RALYL: variants seen among roughly 807,000 people sequenced by gnomAD.
The protein encoded by RALYL is RALY RNA binding protein like, also known as RNA-binding Raly-like protein.
In RALYL, 29 loss-of-function variants were observed where a neutral mutation model predicts 35.1. The observed-to-expected ratio is 0.83, with a 90% CI of 0.61 to 1.13. The LOEUF (loss-of-function observed/expected upper bound fraction) is 1.13, where lower values mean the gene tolerates loss of function less well. Among genes scored for constraint, RALYL ranks in the 50% most tolerant of loss-of-function variants. RALYL has a pLI of 0.00. For synonymous variants in RALYL, 120 were observed against 127.6 expected (o/e 0.94, Z 0.40); for missense variants, 359 against 360.4 (o/e 1.00, Z 0.03).
chr8:84,199,685 T>C (rs1816354934), intron 1 of RALYL, among the ~76,000 whole-genome samples: 1 of 152,188 alleles, frequency 6.6e-6, no homozygotes. Flanking sequence ...TGGCATGAGA[T>C]GGTTGTCTAG....
chr8:84,864,270 A>C (rs985793724), intron 6 of RALYL, among the ~76,000 whole-genome samples: 3 of 152,088 alleles, frequency 2.0e-5, no homozygotes, highest in Non-Finnish European at 4.4e-5. Context: ...TGGACTACTA[A>C]ATACAAACTA....
At chr8:84,864,940 T>C (rs1410772055) in intron 6 of RALYL, 6 of 233,262 alleles carry the variant, frequency 2.6e-5, no homozygotes, top group African/African-American at 9.1e-5. Context: ...TGATCTATTC[T>C]ATTCATTTCA....
intron 1 of RALYL, among the ~76,000 whole-genome samples, chr8:84,311,336 A>G (rs1279329689): frequency 2.0e-5 from 3 of 152,018 alleles, no homozygotes; most frequent in East Asian, 3.8e-4. Context: ...TTTTCCAGGC[A>G]TATAAGCATT....
rs141204159 is a variant in RALYL at position 84,230,391 on chromosome 8, A to T, written c.-24+45967A>T. On this transcript the variant is annotated intron_variant, in intron 1 of 8. Coordinates refer to ENST00000521268, the MANE Select transcript of RALYL (RefSeq NM_173848.7). ...AGGATGATACAAATTTATTCAGTTA[A>T]TATGGATGACAAAAATAAACAAAAT... is the stretch of plus-strand genomic sequence containing the variant. Among the ~76,000 whole-genome samples, 7 of 152,278 alleles carry T rather than the reference A, an allele frequency of 4.6e-5. No individual in the cohort carries two copies. The South Asian group carries it at 1.5e-3, about 32-fold the overall frequency.
chr8:84,677,202 A>T (rs1277671315), intron 2 of RALYL, among the ~76,000 whole-genome samples: 1 of 152,218 alleles, frequency 6.6e-6, no homozygotes. Flanking sequence ...TCAAAGCTAA[A>T]CTTGTTTTTC....
intron 2 of RALYL, among the ~76,000 whole-genome samples, chr8:84,681,012 T>C (rs1835355589): frequency 6.6e-6 from 1 of 152,056 alleles, no homozygotes; most frequent in Non-Finnish European, 1.5e-5. Context: ...TAATCCATCT[T>C]GAATTAATTT....
At chr8:84,326,779 T>C (rs1247524416) in intron 1 of RALYL, among the ~76,000 whole-genome samples, 1 of 152,194 alleles carries the variant, frequency 6.6e-6, no homozygotes, top group Non-Finnish European at 1.5e-5. Flanking sequence ...TATTTTCCCA[T>C]ATAAAAATCC....
chr8:84,497,756 C>T (rs2056217942), intron 1 of RALYL, among the ~76,000 whole-genome samples: 1 of 151,142 alleles, frequency 6.6e-6, no homozygotes, highest in Non-Finnish European at 1.5e-5. Flanking sequence ...ATTCTACTGC[C>T]TCAGCCTCCC....
intron 1 of RALYL, among the ~76,000 whole-genome samples, chr8:84,386,438 T>C (rs555648906): frequency 1.2e-3 from 189 of 151,972 alleles, no homozygotes; most frequent in African/African-American, 4.5e-3. Flanking sequence ...TTAACAAAAA[T>C]TGGGAACGTT....
chr8:84,424,862 GGGGGTCA>G (rs1389478461), intron 1 of RALYL, among the ~76,000 whole-genome samples: 5 of 151,588 alleles, frequency 3.3e-5, no homozygotes, highest in Non-Finnish European at 5.9e-5. Flanking sequence ...TAGGCTGCTC[GGGGGTCA>G]GGGGTCAGGG....
chr8:84,839,897 A>C (rs1230233255), intron 4 of RALYL, among the ~76,000 whole-genome samples: 1 of 152,276 alleles, frequency 6.6e-6, no homozygotes, highest in Non-Finnish European at 1.5e-5. Context: ...ACAGACCTGC[A>C]GCTGAGGGTC....
chr8:84,381,308 A>G (rs1157408452), intron 1 of RALYL, among the ~76,000 whole-genome samples: 1 of 151,866 alleles, frequency 6.6e-6, no homozygotes, highest in East Asian at 1.9e-4. Flanking sequence ...GTATGTGTGT[A>G]TATCTGTATG....
chr8:84,841,827 C>T (rs1189606287), intron 4 of RALYL, among the ~76,000 whole-genome samples: 1 of 152,196 alleles, frequency 6.6e-6, no homozygotes, highest in African/African-American at 2.4e-5. Context: ...CTCAAAACCA[C>T]TCAACTACAT....
At chr8:84,830,373 C>T (rs947771811) in intron 4 of RALYL, among the ~76,000 whole-genome samples, 3 of 151,362 alleles carry the variant, frequency 2.0e-5, no homozygotes, top group Non-Finnish European at 2.9e-5. Flanking sequence ...CCAAAATTAT[C>T]GAACTAACAG....
chr8:84,861,773 G>C (rs138436927), intron 5 of RALYL, among the ~76,000 whole-genome samples: 41 of 152,288 alleles, frequency 2.7e-4, no homozygotes, highest in African/African-American at 8.7e-4. Flanking sequence ...TGATTTGTCT[G>C]TCATAGCTGT....
At chr8:84,294,850 G>C (rs1839463299) in intron 1 of RALYL, among the ~76,000 whole-genome samples, 2 of 152,028 alleles carry the variant, frequency 1.3e-5, no homozygotes, top group African/African-American at 4.8e-5. Flanking sequence ...GGGCAACCTA[G>C]AATGGGAGGC....
intron 1 of RALYL, among the ~76,000 whole-genome samples, chr8:84,475,673 C>T (rs180885100): frequency 6.5e-4 from 99 of 151,992 alleles, no homozygotes; most frequent in African/African-American, 2.2e-3. Flanking sequence ...TTAGTGTTTA[C>T]GAAGAAAGTG....
intron 3 of RALYL, among the ~76,000 whole-genome samples, chr8:84,803,621 A>ATTG (rs983796513): frequency 2.0e-5 from 3 of 152,270 alleles, no homozygotes; most frequent in African/African-American, 7.2e-5. Flanking sequence ...GTCCAAAGGG[A>ATTG]TTGCTAAGGC....
chr8:84,501,842 A>C (rs2056696244), intron 1 of RALYL, among the ~76,000 whole-genome samples: 1 of 150,138 alleles, frequency 6.7e-6, no homozygotes, highest in African/African-American at 2.4e-5. Context: ...AATAATATAG[A>C]TCCTAAGCCT....
Sources: allele counts gnomAD v4.1 joint callset (sites outside exome capture counted in the v4.1 genomes callset), GRCh38; gene constraint gnomAD v4.1.1; transcripts MANE v1.5; gene names NCBI Gene and HGNC (gene_info 2026-07-23, HGNC 2026-07-21).